Variants in CNTN6 observed in about 807,000 individuals in gnomAD.
CNTN6 encodes contactin 6.
A neutral mutation model predicts 122.8 loss-of-function variants in CNTN6; 137 were observed. The observed-to-expected ratio is 1.12, with a 90% CI of 0.97 to 1.29. The LOEUF is 1.29. Among genes scored for constraint, CNTN6 ranks in the 50% most tolerant of loss-of-function variants. CNTN6 has a pLI of 0.00. For missense variants in CNTN6, 1,634 were observed against 1,223.4 expected, an observed-to-expected ratio of 1.34 and a Z score of -5.01; for synonymous variants, 570 against 426.0, an observed-to-expected ratio of 1.34 and a Z score of -4.16.
At chr3:1,110,258 A>G (rs1196265133) in intron 1 of CNTN6, among the ~76,000 whole-genome samples, 1 of 151,882 alleles carries the variant, frequency 6.6e-6, no homozygotes, top group Admixed American at 6.6e-5. Flanking sequence ...CAATCTTATT[A>G]AAAGATTGAC....
At chr3:1,098,728 TAA>T (rs1327383454) in intron 1 of CNTN6, among the ~76,000 whole-genome samples, 2 of 146,094 alleles carry the variant, frequency 1.4e-5, no homozygotes, top group Non-Finnish European at 3.0e-5. Flanking sequence ...AGGTGTTACA[TAA>T]GTCTTTGAAT....
chr3:1,142,600 G>A (rs913482953), intron 1 of CNTN6, among the ~76,000 whole-genome samples: 24 of 152,226 alleles, frequency 1.6e-4, no homozygotes, highest in African/African-American at 4.6e-4. Context: ...CCAGAAGCTC[G>A]AAAGCCAGAA....
At chr3:1,102,870 G>C (rs931443782) in intron 1 of CNTN6, among the ~76,000 whole-genome samples, 2 of 151,024 alleles carry the variant, frequency 1.3e-5, no homozygotes, top group Non-Finnish European at 3.0e-5. Flanking sequence ...CACTTTTGGA[G>C]GCCGAGGCGG....
At chr3:1,200,872 G>T (rs1246981167) in intron 2 of CNTN6, among the ~76,000 whole-genome samples, 2 of 151,502 alleles carry the variant, frequency 1.3e-5, no homozygotes, top group South Asian at 4.2e-4. Flanking sequence ...CAGGGCATAT[G>T]CATTTACTTA....
intron 20 of CNTN6, among the ~76,000 whole-genome samples, chr3:1,393,555 TAAAAAAAAAA>T (rs572632140): frequency 9.3e-6 from 1 of 107,926 alleles, no homozygotes; most frequent in African/African-American, 3.3e-5. Flanking sequence ...CTTAAAGAAG[TAAAAAAAAAA>T]AAAAAAAAAG....
intron 4 of CNTN6, among the ~76,000 whole-genome samples, chr3:1,272,044 CACAAG>C (rs1453259757): frequency 6.6e-6 from 1 of 152,132 alleles, no homozygotes; most frequent in African/African-American, 2.4e-5. Context: ...GAATAAGTCT[CACAAG>C]ATCTAATGGT....
chr3:1,266,745 C>G (rs1182417397), intron 4 of CNTN6, among the ~76,000 whole-genome samples: 4 of 152,140 alleles, frequency 2.6e-5, no homozygotes, highest in African/African-American at 9.7e-5. Context: ...AATCACTCTC[C>G]TTTACTCTAA....
chr3:1,171,589 C>T (rs529059723), intron 2 of CNTN6, among the ~76,000 whole-genome samples: 31 of 152,224 alleles, frequency 2.0e-4, no homozygotes, highest in African/African-American at 7.2e-4. Context: ...GCAAAAGTAC[C>T]TTCGATTGAG....
Position 1,385,603 on chromosome 3 carries a change from ATTATCAGGTC to A in CNTN6, c.2518-3_2524del. On this transcript the variant is annotated splice_acceptor_variant and splice_polypyrimidine_tract_variant and coding_sequence_variant and intron_variant, in exon 20 of 23. Coordinates refer to ENST00000446702, the MANE Select transcript of CNTN6 (RefSeq NM_001289080.2). LOFTEE classifies it high-confidence loss of function. ...AATAAATTGCTTGTTTTGGTTTTTAATTATCAGGTCTTATACTGGACAGATGACTCCAAAG... is the reference window on the plus strand; with the variant it reads ...AATAAATTGCTTGTTTTGGTTTTTAATTATACTGGACAGATGACTCCAAAG... The A allele has an allele frequency of 6.3e-7, 1 of 1,576,738 alleles. No individual in the cohort carries two copies. The highest frequency in any genetic ancestry group is 1.2e-5 in the South Asian group (1 of 85,160).
chr3:1,305,227 T>G (rs1698164019), intron 7 of CNTN6, among the ~76,000 whole-genome samples: 1 of 152,120 alleles, frequency 6.6e-6, no homozygotes, highest in African/African-American at 2.4e-5. Context: ...GTATAAAAAG[T>G]GAGGTCTAGA....
chr3:1,134,550 A>G (rs1233136636), intron 1 of CNTN6, among the ~76,000 whole-genome samples: 1 of 152,140 alleles, frequency 6.6e-6, no homozygotes, highest in African/African-American at 2.4e-5. Context: ...TTAAGATCAC[A>G]GTTTTGTCCC....
At chr3:1,350,657 T>A (rs957674854) in intron 11 of CNTN6, among the ~76,000 whole-genome samples, 11 of 151,828 alleles carry the variant, frequency 7.2e-5, no homozygotes, top group African/African-American at 2.7e-4. Context: ...CTGGAAGTTA[T>A]GTGAAAAATT....
chr3:1,133,818 G>A (rs564858632), intron 1 of CNTN6, among the ~76,000 whole-genome samples: 2 of 152,240 alleles, frequency 1.3e-5, no homozygotes, highest in East Asian at 3.9e-4. Context: ...GGAAACATGT[G>A]TTCTCATATT....
intron 1 of CNTN6, among the ~76,000 whole-genome samples, chr3:1,099,280 T>C (rs1194798575): frequency 6.6e-6 from 1 of 151,924 alleles, no homozygotes; most frequent in East Asian, 2.0e-4. Flanking sequence ...TGAAACCCCG[T>C]CTCTACCAAA....
chr3:1,241,289 G>A (rs1575376709), intron 4 of CNTN6, among the ~76,000 whole-genome samples: 1 of 141,748 alleles, frequency 7.1e-6, no homozygotes, highest in African/African-American at 2.6e-5. Context: ...GTGTTGAAGT[G>A]TTGGGGTGGT....
intron 20 of CNTN6, among the ~76,000 whole-genome samples, chr3:1,397,559 C>T (rs1305984786): frequency 1.3e-5 from 2 of 151,990 alleles, no homozygotes; most frequent in African/African-American, 4.8e-5. Flanking sequence ...TCCACACAGA[C>T]ATTACTTAAA....
chr3:1,275,483 C>T (rs1415921326), intron 4 of CNTN6, among the ~76,000 whole-genome samples: 1 of 152,190 alleles, frequency 6.6e-6, no homozygotes, highest in African/African-American at 2.4e-5. Context: ...TGGTTCTCTA[C>T]CTCTAAATAT....
intron 1 of CNTN6, among the ~76,000 whole-genome samples, chr3:1,124,740 C>A (rs73818409): frequency 6.6e-6 from 1 of 152,044 alleles, no homozygotes; most frequent in African/African-American, 2.4e-5. Context: ...TCCCCAACAT[C>A]ATCACCTGGT....
chr3:1,398,533 T>A, intron 20 of CNTN6, among the ~76,000 whole-genome samples: 1 of 152,132 alleles, frequency 6.6e-6, no homozygotes, highest in Admixed American at 6.6e-5. Flanking sequence ...AGAGTTGGAT[T>A]ATTAGCAACA....
Sources: gnomAD v4.1 joint callset for allele counts (sites outside exome capture counted in the v4.1 genomes callset) on GRCh38, gnomAD v4.1.1 for gene constraint, MANE v1.5 for transcripts, NCBI Gene and HGNC (gene_info 2026-07-23, HGNC 2026-07-21) for gene names.